ZNF326: variants seen among roughly 807,000 people sequenced by gnomAD.
The protein encoded by ZNF326 is zinc finger protein 326.
Under a neutral mutation model 63.1 loss-of-function variants are expected in ZNF326, and 30 were observed. That is an observed-to-expected ratio of 0.48 (90% confidence interval 0.36 to 0.64). The LOEUF (loss-of-function observed/expected upper bound fraction) is 0.64, where lower values mean the gene tolerates loss of function less well. ZNF326 is among the 30% of genes least tolerant of loss of function. ZNF326 has a pLI of 0.00. For synonymous variants in ZNF326, 194 were observed against 228.2 expected (o/e 0.85, Z 1.35); for missense variants, 609 against 720.3 (o/e 0.85, Z 1.77).
chr1:90,009,303 A>G (rs1395787380), intron 5 of ZNF326, among the ~76,000 whole-genome samples: 1 of 152,014 alleles, frequency 6.6e-6, no homozygotes, highest in Non-Finnish European at 1.5e-5. Flanking sequence ...CTCCATCTTT[A>G]TCTTCTAAAA....
At chr1:90,012,588 G>A (rs540068745) in intron 6 of ZNF326, among the ~76,000 whole-genome samples, 3 of 152,130 alleles carry the variant, frequency 2.0e-5, no homozygotes, top group Non-Finnish European at 2.9e-5. Context: ...TAAATCTTAT[G>A]TTTTGTGTAT....
intron 2 of ZNF326, among the ~76,000 whole-genome samples, chr1:90,003,248 A>C: frequency 6.6e-6 from 1 of 151,204 alleles, no homozygotes; most frequent in East Asian, 1.9e-4. Flanking sequence ...CTCCTGCCTC[A>C]GCCTGCCGAG....
At chr1:90,000,344 T>G (rs1347172905) in intron 2 of ZNF326, among the ~76,000 whole-genome samples, 9 of 152,214 alleles carry the variant, frequency 5.9e-5, no homozygotes, top group African/African-American at 1.9e-4. Context: ...GAAAATGTAT[T>G]TCCAGTGTCT....
At chr1:90,013,319 A>C in intron 7 of ZNF326, 82 bp downstream of exon 7, 9 of 1,048,956 alleles carry the variant, frequency 8.6e-6, no homozygotes, top group Non-Finnish European at 1.2e-5. Context: ...TAATATTAAA[A>C]AGTTCTTAAG....
chr1:90,027,931 G>T lies in ZNF326; in HGVS notation c.*230G>T. 2.0e-6 allele frequency: 1 copy of T among 501,162 alleles called. No individual in the cohort carries two copies. The highest frequency in any genetic ancestry group is 2.0e-5 in the African/African-American group (1 of 50,260). 31.0% of individuals were successfully genotyped at this position (501,162 alleles called of 1,614,324 possible). A position where few individuals can be genotyped will look rare whatever the true frequency, so the allele number is the denominator to read the frequency against. ...CAGACTTAGATCCGATAAATTGTTTGTATAATTTTTAAGCTTAATTTTTAT... is the reference window on the plus strand; with the variant it reads ...CAGACTTAGATCCGATAAATTGTTTTTATAATTTTTAAGCTTAATTTTTAT... On this transcript the variant is annotated 3_prime_UTR_variant, in exon 12 of 12. Transcript: ENST00000340281.
At chr1:89,997,240 C>A (rs1279012603) in intron 1 of ZNF326, among the ~76,000 whole-genome samples, 1 of 152,066 alleles carries the variant, frequency 6.6e-6, no homozygotes, top group East Asian at 1.9e-4. Context: ...GTAAAATTAA[C>A]TAAAGAATTT....
At chr1:89,998,773 A>G (rs1648523627) in intron 2 of ZNF326, among the ~76,000 whole-genome samples, 1 of 152,224 alleles carries the variant, frequency 6.6e-6, no homozygotes, top group African/African-American at 2.4e-5. Context: ...TAATACAAAA[A>G]AAGAACACAG....
chr1:89,996,816 T>TA (rs1377049565), intron 1 of ZNF326, among the ~76,000 whole-genome samples: 2 of 150,126 alleles, frequency 1.3e-5, no homozygotes, highest in South Asian at 2.1e-4. Context: ...GGAGTGAAAA[T>TA]AAAAAATATA....
rs996297106 is a variant in ZNF326 at position 90,032,906 on chromosome 1, T to G, written c.*5205T>G. The G allele has an allele frequency of 3.3e-5, 5 of 152,230 alleles. No homozygotes were observed. The highest frequency in any genetic ancestry group is 1.2e-4 in the African/African-American group (5 of 41,466). 9.4% of individuals were successfully genotyped at this position (152,230 alleles called of 1,614,324 possible). On this transcript the variant is annotated 3_prime_UTR_variant, in exon 12 of 12. Transcript: ENST00000340281. The stretch of plus-strand genomic sequence containing the variant: ...GGGCCATCGAAGTGTGGCAATGCCC[T>G]AGGTATATTGTGATTACCACAAGGA...
In ZNF326 at chr1:90,031,617, C is replaced by T. The variant is rs1370241569; in HGVS notation, c.*3916C>T. The T allele has an allele frequency of 6.7e-6, 1 of 150,336 alleles. No individual in the cohort carries two copies. Among genetic ancestry groups the T allele is most frequent in the Admixed American group, 6.6e-5 (1 of 15,058 alleles). The allele number at this position is 150,336 out of a possible 1,614,324, so 9.3% of individuals were successfully genotyped here. On this transcript the variant is annotated 3_prime_UTR_variant, in exon 12 of 12. Coordinates refer to ENST00000340281, the MANE Select transcript of ZNF326 (RefSeq NM_182976.4). ...TGTCACCCAGGCTGGAGTTCAGTGG[C>T]ACTATCTCAGCTCACTGCAATCTCT...
intron 2 of ZNF326, among the ~76,000 whole-genome samples, chr1:90,004,160 A>T (rs1648841122): frequency 6.6e-6 from 1 of 152,156 alleles, no homozygotes; most frequent in African/African-American, 2.4e-5. Context: ...AGTGTAATAA[A>T]ATAGACTTAA....
intron 5 of ZNF326, among the ~76,000 whole-genome samples, chr1:90,009,361 A>C (rs1206172440): frequency 1.3e-5 from 2 of 152,128 alleles, no homozygotes; most frequent in Non-Finnish European, 2.9e-5. Context: ...CTCTTGGTGT[A>C]GTAGATTTGG....
intron 8 of ZNF326, 56 bp from the exon 9 acceptor site, chr1:90,018,629 A>G (rs564213080): frequency 6.2e-6 from 6 of 969,110 alleles, no homozygotes; most frequent in African/African-American, 1.7e-5. Context: ...AGTGCTAAGC[A>G]TTATACTTGA....
chr1:90,011,516 GTTTT>G lies in ZNF326; in HGVS notation c.814+1249_814+1252del, dbSNP rs11317576. Among the ~76,000 whole-genome samples the G allele has an allele frequency of 1.3e-4, 16 of 126,744 alleles. No homozygotes were observed. The East Asian group carries it at 3.5e-3, about 28-fold the overall frequency. 83.1% of individuals were successfully genotyped at this position (126,744 alleles called of 152,430 possible). A position where few individuals can be genotyped will look rare whatever the true frequency, so the allele number is the denominator to read the frequency against. On this transcript the variant is annotated intron_variant, in intron 6 of 11. Coordinates refer to ENST00000340281, the MANE Select transcript of ZNF326 (RefSeq NM_182976.4). ...GAAAAATTTAAGGGCAAATAGTTAAGTTTTTTTTTTTTTTTTTTTTTTAAGTATA... is the reference window on the plus strand; with the variant it reads ...GAAAAATTTAAGGGCAAATAGTTAAGTTTTTTTTTTTTTTTTTTAAGTATA...
In ZNF326 at chr1:90,029,550, G is replaced by A; in HGVS notation, c.*1849G>A. On this transcript the variant is annotated 3_prime_UTR_variant, in exon 12 of 12. Transcript: ENST00000340281. ...TTAAAAATATTTGTGGAAGGGCTAA[G>A]GTAAAAGAATAATAAATTCCTCTAG... 1 of 152,062 alleles carries A rather than the reference G, an allele frequency of 6.6e-6. No homozygotes were observed. The highest frequency in any genetic ancestry group is 1.9e-4 in the East Asian group (1 of 5,194). 9.4% of individuals were successfully genotyped at this position (152,062 alleles called of 1,614,324 possible). A position where few individuals can be genotyped will look rare whatever the true frequency, so the allele number is the denominator to read the frequency against.
In ZNF326 at chr1:90,007,885, A is replaced by C. The variant is rs1021536555; in HGVS notation, c.615+135A>C. 7 of 888,868 alleles carry C rather than the reference A, an allele frequency of 7.9e-6. No homozygotes were observed. The highest frequency in any genetic ancestry group is 1.1e-5 in the Non-Finnish European group (7 of 660,722). 55.1% of individuals were successfully genotyped at this position (888,868 alleles called of 1,614,324 possible). ...AAGCAAAAGCTGAGTCATAAACATA[A>C]TTTTTAGGTTGACTGTAAAAGTTTT... On this transcript the variant is annotated intron_variant, in intron 5 of 11. Transcript: ENST00000340281. The surrounding 1 kb of genome is among the most constrained non-coding windows in gnomAD (Gnocchi z 4.9).
chr1:90,004,987 A>G lies in ZNF326; in HGVS notation c.62-16A>G, dbSNP rs1448328355. 6.8e-6 allele frequency: 11 copies of G among 1,612,054 alleles called. No individual in the cohort carries two copies. In the South Asian group the frequency reaches 9.9e-5, roughly 15 times the overall value. On this transcript the variant is annotated splice_polypyrimidine_tract_variant and intron_variant, in intron 2 of 11. Coordinates refer to ENST00000340281, the MANE Select transcript of ZNF326 (RefSeq NM_182976.4). ...TGGTGTATTTTACTGACAATTTCTT[A>G]TTGACTCTCTTTTAGGAATGGATCG...
Position 90,017,456 on chromosome 1 carries a change from T to A in ZNF326, c.1066T>A (p.Phe356Ile), listed in dbSNP as rs780765235. The change falls in exon 8 of 12, where the codon TTT becomes ATT. Residue 356 changes from phenylalanine (F) to isoleucine (I), a missense_variant. Physicochemically the swap from Phe to Ile is conservative, Grantham distance 21. Coordinates refer to ENST00000340281, the MANE Select transcript of ZNF326 (RefSeq NM_182976.4). ...QTKFDKVVME[F>I]LHECMVNKFK... ...TAAATTTGATAAAGTAGTTATGGAG[T>A]TTTTGCATGTGAGTAGCTGTTTTTG... 1 of 1,581,052 alleles carries A rather than the reference T, an allele frequency of 6.3e-7. No homozygotes were observed. Among genetic ancestry groups the A allele is most frequent in the South Asian group, 1.2e-5 (1 of 82,946 alleles).
rs1649037742 is a variant in ZNF326, at chr1:90,007,426, AC to A, written c.294del (p.Glu99AsnfsTer43). 1 of 1,613,698 alleles carries A rather than the reference AC, an allele frequency of 6.2e-7. No homozygotes were observed. Among genetic ancestry groups the A allele is most frequent in the Non-Finnish European group, 8.5e-7 (1 of 1,179,938 alleles). Reference sequence around the variant, plus strand: ...ACAGATCTGGCTATGGTTTTAATGAACCCGAACAAAGCCGCTTCGGAGGTAG... The same window carrying A: ...ACAGATCTGGCTATGGTTTTAATGAACCGAACAAAGCCGCTTCGGAGGTAG... ...LYRSGYGFNEPEQSRFGGSYG... is the reference protein window; with the variant it reads ...LYRSGYGFNEXEQSRFGGSYG... On this transcript the variant is annotated frameshift_variant, in exon 5 of 12. Transcript: ENST00000340281. LOFTEE classifies it high-confidence loss of function. This position sits in a 1 kb window ranked among gnomAD's most constrained non-coding sequence, Gnocchi z 4.9.
Sources: gnomAD v4.1 joint callset for allele counts (sites outside exome capture counted in the v4.1 genomes callset) on GRCh38, gnomAD v4.1.1 for gene constraint, Gnocchi (gnomAD v3.1) non-coding constraint, MANE v1.5 for transcripts, NCBI Gene and HGNC (gene_info 2026-07-23, HGNC 2026-07-21) for gene names.